FHIP1A: variants seen among roughly 807,000 people sequenced by gnomAD.
FHIP1A encodes FHF complex subunit HOOK-interacting protein 1A.
A neutral mutation model predicts 88.6 loss-of-function variants in FHIP1A; 61 were observed. The observed-to-expected ratio is 0.69, with a 90% CI of 0.56 to 0.85. The LOEUF is 0.85. FHIP1A is among the 40% of genes least tolerant of loss of function. The probability of loss-of-function intolerance (pLI) is 0.00; values close to 1 mark genes in which losing one functional copy is unlikely to be tolerated. For missense variants in FHIP1A, 1,154 were observed against 1,273.5 expected, an observed-to-expected ratio of 0.91 and a Z score of 1.43; for synonymous variants, 478 against 496.0, an observed-to-expected ratio of 0.96 and a Z score of 0.48.
intron 1 of FHIP1A, among the ~76,000 whole-genome samples, chr4:151,441,087 A>G (rs1202582554): frequency 6.6e-5 from 10 of 152,096 alleles, no homozygotes. Flanking sequence ...GCTCCCAAAC[A>G]CTATTATTCT....
At chr4:151,502,274 A>C (rs1285280055) in intron 3 of FHIP1A, among the ~76,000 whole-genome samples, 1 of 152,026 alleles carries the variant, frequency 6.6e-6, no homozygotes, top group Non-Finnish European at 1.5e-5. Context: ...CTGTGATCGT[A>C]CCACTGTGCT....
At chr4:151,460,977 CT>C in intron 2 of FHIP1A, among the ~76,000 whole-genome samples, 1 of 152,216 alleles carries the variant, frequency 6.6e-6, no homozygotes, top group East Asian at 1.9e-4. Context: ...TCTTTTGTGC[CT>C]TTTTGCATTT....
At chr4:151,424,798 T>C (rs370603676) in intron 1 of FHIP1A, among the ~76,000 whole-genome samples, 1 of 128,068 alleles carries the variant, frequency 7.8e-6, no homozygotes. Context: ...ATTTGTCTTA[T>C]CTTTCCTGTA....
At chr4:151,608,488 T>C (rs1288665955) in intron 7 of FHIP1A, among the ~76,000 whole-genome samples, 1 of 152,230 alleles carries the variant, frequency 6.6e-6, no homozygotes, top group Non-Finnish European at 1.5e-5. Context: ...AACTTCTTCA[T>C]TGCAAACTCC....
intron 1 of FHIP1A, among the ~76,000 whole-genome samples, chr4:151,418,184 A>AAAC (rs1732968203): frequency 6.6e-6 from 1 of 151,136 alleles, no homozygotes; most frequent in Non-Finnish European, 1.5e-5. Context: ...AAAAAAAAAA[A>AAAC]AAAAAAAAAA....
At chr4:151,549,259 A>G (rs1732628085) in intron 3 of FHIP1A, among the ~76,000 whole-genome samples, 2 of 152,254 alleles carry the variant, frequency 1.3e-5, no homozygotes, top group South Asian at 2.1e-4. Flanking sequence ...TGTTTAGTGA[A>G]ACTAGAATCA....
At chr4:151,659,925 G>T (rs1375482535) in intron 13 of FHIP1A, among the ~76,000 whole-genome samples, 2 of 152,188 alleles carry the variant, frequency 1.3e-5, no homozygotes, top group Non-Finnish European at 2.9e-5. Flanking sequence ...TCAGCCACTT[G>T]CCATGCCTTT....
At chr4:151,648,401 G>A (rs549901826) in intron 10 of FHIP1A, among the ~76,000 whole-genome samples, 1 of 152,134 alleles carries the variant, frequency 6.6e-6, no homozygotes, top group African/African-American at 2.4e-5. Flanking sequence ...AAACACTAAC[G>A]TTTTAGCTTA....
intron 8 of FHIP1A, among the ~76,000 whole-genome samples, chr4:151,637,656 A>T (rs1363465627): frequency 1.3e-5 from 2 of 152,196 alleles, no homozygotes; most frequent in Non-Finnish European, 2.9e-5. Context: ...AAGGGAGGCG[A>T]TGCCTAAGCT....
chr4:151,450,870 C>T (rs185764508), intron 1 of FHIP1A, among the ~76,000 whole-genome samples: 110 of 152,044 alleles, frequency 7.2e-4, no homozygotes, highest in Middle Eastern at 3.4e-3. Context: ...TTCTGACTCC[C>T]GGGTTCAAGT....
chr4:151,624,723 C>T (rs1735886444), intron 7 of FHIP1A, among the ~76,000 whole-genome samples: 1 of 152,140 alleles, frequency 6.6e-6, no homozygotes, highest in Non-Finnish European at 1.5e-5. Flanking sequence ...CTGACTTTGG[C>T]TGTCACCTCC....
chr4:151,456,497 C>G (rs558105938), intron 2 of FHIP1A, among the ~76,000 whole-genome samples: 2 of 152,222 alleles, frequency 1.3e-5, no homozygotes, highest in Non-Finnish European at 2.9e-5. Flanking sequence ...GAGCTACTTT[C>G]TGCACATTTA....
At chr4:151,412,513 T>A (rs2126501757) in intron 1 of FHIP1A, among the ~76,000 whole-genome samples, 1 of 152,294 alleles carries the variant, frequency 6.6e-6, no homozygotes, top group South Asian at 2.1e-4. Context: ...TTTTTCCTTG[T>A]TACATTTTGT....
chr4:151,422,666 C>T (rs1273200108), intron 1 of FHIP1A, among the ~76,000 whole-genome samples: 2 of 152,196 alleles, frequency 1.3e-5, no homozygotes, highest in African/African-American at 2.4e-5. Flanking sequence ...GTTGGGATTA[C>T]AGGTGTGAGC....
chr4:151,416,797 T>A (rs1318378466), intron 1 of FHIP1A, among the ~76,000 whole-genome samples: 1 of 152,168 alleles, frequency 6.6e-6, no homozygotes, highest in Non-Finnish European at 1.5e-5. Flanking sequence ...TATCCTTTTT[T>A]TTTTGAAGCA....
chr4:151,575,217 A>G (rs1264485132), intron 4 of FHIP1A, among the ~76,000 whole-genome samples: 2 of 152,158 alleles, frequency 1.3e-5, no homozygotes, highest in Non-Finnish European at 2.9e-5. Context: ...AACTCAATAT[A>G]TGGACTTTGA....
chr4:151,620,188 A>G (rs986809771), intron 7 of FHIP1A, among the ~76,000 whole-genome samples: 11 of 152,198 alleles, frequency 7.2e-5, no homozygotes, highest in Admixed American at 5.9e-4. Flanking sequence ...CAGGTTGTCT[A>G]CTGCACAAGG....
chr4:151,476,954 C>T (rs1166216848), intron 2 of FHIP1A, among the ~76,000 whole-genome samples: 1 of 151,612 alleles, frequency 6.6e-6, no homozygotes, highest in Non-Finnish European at 1.5e-5. Context: ...TATGTGAAGG[C>T]GTTTAAAAAT....
At chr4:151,499,513 A>G (rs946078779) in intron 3 of FHIP1A, among the ~76,000 whole-genome samples, 2 of 152,210 alleles carry the variant, frequency 1.3e-5, no homozygotes, top group African/African-American at 4.8e-5. Flanking sequence ...ATTCTGAAAT[A>G]TGATTTCGTG....
Sources: allele counts gnomAD v4.1 joint callset (sites outside exome capture counted in the v4.1 genomes callset), GRCh38; gene constraint gnomAD v4.1.1; transcripts MANE v1.5; gene names NCBI Gene and HGNC (gene_info 2026-07-23, HGNC 2026-07-21).